USH2A: variants seen among roughly 807,000 people sequenced by gnomAD.
The protein encoded by USH2A is usherin, also known as Usher syndrome 2A (autosomal recessive, mild).
In USH2A, 443 loss-of-function variants were observed where a neutral mutation model predicts 538.9. That is an observed-to-expected ratio of 0.82 (90% confidence interval 0.76 to 0.89). USH2A has a LOEUF of 0.89. Ranked by LOEUF, USH2A falls within the 40% of genes least tolerant of loss-of-function variation. The probability of loss-of-function intolerance (pLI) is 0.00; values close to 1 mark genes in which losing one functional copy is unlikely to be tolerated. For missense variants in USH2A, 6,633 were observed against 6,324.8 expected (o/e 1.05, Z -1.65); for synonymous variants, 2,413 against 2,273.5 (o/e 1.06, Z -1.75).
intron 21 of USH2A, among the ~76,000 whole-genome samples, chr1:216,126,328 A>G (rs1458048910): frequency 7.9e-5 from 12 of 151,964 alleles, no homozygotes; most frequent in Middle Eastern, 6.3e-3. Flanking sequence ...AGTTCAAGCA[A>G]TTTTCCTGTA....
chr1:216,115,177 G>T (rs1558266045), intron 21 of USH2A, among the ~76,000 whole-genome samples: 1 of 151,888 alleles, frequency 6.6e-6, no homozygotes, highest in Non-Finnish European at 1.5e-5. Context: ...CTGTTGTAAG[G>T]CTTGAGTGTA....
At chr1:216,245,959 T>C (rs1057480914) in intron 13 of USH2A, among the ~76,000 whole-genome samples, 1 of 152,168 alleles carries the variant, frequency 6.6e-6, no homozygotes, top group Non-Finnish European at 1.5e-5. Context: ...AATGAATTTA[T>C]TGTAAAGAAG....
intron 64 of USH2A, among the ~76,000 whole-genome samples, chr1:215,659,103 A>G (rs768836878): frequency 1.3e-5 from 2 of 152,218 alleles, no homozygotes; most frequent in Non-Finnish European, 2.9e-5. Context: ...ATAAAAACAC[A>G]AATAAAATAA....
chr1:215,965,628 G>A (rs998308291), intron 36 of USH2A, 149 bp from the exon 37 acceptor site: 11 of 909,596 alleles, frequency 1.2e-5, no homozygotes, highest in South Asian at 3.4e-5. Context: ...TTGTCAGCAG[G>A]ATCAAAGCAC....
At position 215,647,699 on chromosome 1, in the gene USH2A, G is replaced by A; in HGVS notation, c.14614C>T (p.Pro4872Ser). Residue 4872 changes from proline to serine, a missense_variant, in exon 67 of 72, where the codon CCT (proline) becomes TCT (serine). By Grantham distance (74) the Pro-to-Ser change is moderately conservative. Coordinates refer to ENST00000307340, the MANE Select transcript of USH2A (RefSeq NM_206933.4). ...GGAGTACAGGGGAGGGCTGAGTCAGGAGGGCAAGCCACGTGGAATTGGAGT... is the reference window on the plus strand; with the variant it reads ...GGAGTACAGGGGAGGGCTGAGTCAGAAGGGCAAGCCACGTGGAATTGGAGT... ...YELQFHVACPPDSALPCTPSQ... is the reference protein window; with the variant it reads ...YELQFHVACPSDSALPCTPSQ... 6.2e-7 allele frequency: 1 copy of A among 1,614,186 alleles called. No individual in the cohort carries two copies. The highest frequency in any genetic ancestry group is 8.5e-7 in the Non-Finnish European group (1 of 1,180,036).
chr1:215,804,834 C>T lies in USH2A; in HGVS notation c.9740-5709G>A, dbSNP rs140070544. 8.8e-3 allele frequency among the ~76,000 whole-genome samples: 1,346 copies of T among 152,116 alleles called. 22 individuals are homozygous for T. Among genetic ancestry groups the T allele is most frequent in the African/African-American group, 0.03 (1,234 of 41,480 alleles). Reference sequence around the variant, plus strand: ...ATGCTGCTATAAAGACACATGCACACGTATGTTTATTGCGGCACTATTCAC... The same window carrying T: ...ATGCTGCTATAAAGACACATGCACATGTATGTTTATTGCGGCACTATTCAC... On this transcript the variant is annotated intron_variant, in intron 49 of 71. Transcript: ENST00000307340.
chr1:216,296,942 A>C (rs890508076), intron 9 of USH2A, among the ~76,000 whole-genome samples: 4 of 151,900 alleles, frequency 2.6e-5, no homozygotes, highest in Non-Finnish European at 5.9e-5. Context: ...TCCTAACTGC[A>C]AAAAGGCCAC....
intron 44 of USH2A, among the ~76,000 whole-genome samples, chr1:215,864,007 C>T (rs938061046): frequency 6.6e-6 from 1 of 152,114 alleles, no homozygotes; most frequent in African/African-American, 2.4e-5. Context: ...CTCACTCCCT[C>T]CAGTGTTTTA....
intron 56 of USH2A, among the ~76,000 whole-genome samples, chr1:215,760,391 C>T (rs1180643515): frequency 2.0e-5 from 3 of 152,050 alleles, no homozygotes; most frequent in African/African-American, 7.2e-5. Context: ...TTTCTCTCTT[C>T]CTTTCTCTTC....
chr1:216,323,634 G>T lies in USH2A; in HGVS notation c.1390C>A (p.Arg464Ser), dbSNP rs1423536179. Reference protein sequence around the residue: ...FSILTPGPNYRPGYNNFYNTP... With the variant: ...FSILTPGPNYSPGYNNFYNTP... The stretch of plus-strand genomic sequence containing the variant: ...TTATAGAAGTTATTGTATCCAGGAC[G>T]ATAATTTGGTCCAGGTGTCAGGATG... The change falls in exon 8 of 72, where the codon CGT (arginine) becomes AGT (serine). Residue 464 changes from arginine (R) to serine (S), a missense_variant. Arg to Ser is a moderately radical substitution (Grantham distance 110). Transcript: ENST00000307340. 2 of 1,613,576 alleles carry T rather than the reference G, an allele frequency of 1.2e-6. No homozygotes were observed. The highest frequency in any genetic ancestry group is 1.1e-5 in the South Asian group (1 of 91,070).
At chr1:216,112,899 A>T (rs1434431342) in intron 21 of USH2A, among the ~76,000 whole-genome samples, 1 of 152,050 alleles carries the variant, frequency 6.6e-6, no homozygotes, top group Admixed American at 6.6e-5. Flanking sequence ...TATTGTAAAT[A>T]GTGCTGCAAT....
intron 38 of USH2A, among the ~76,000 whole-genome samples, chr1:215,918,987 A>G (rs1168064735): frequency 6.6e-6 from 1 of 152,084 alleles, no homozygotes; most frequent in African/African-American, 2.4e-5. Flanking sequence ...AAATGTATTC[A>G]TATTAATAAC....
chr1:215,886,256 T>C (rs1208005128), intron 41 of USH2A, among the ~76,000 whole-genome samples: 1 of 152,220 alleles, frequency 6.6e-6, no homozygotes. Context: ...ATATTTTCTA[T>C]TTGCAATTTG....
chr1:216,186,240 AT>A (rs1301615636), intron 20 of USH2A, among the ~76,000 whole-genome samples: 2 of 151,530 alleles, frequency 1.3e-5, no homozygotes, highest in Non-Finnish European at 3.0e-5. Flanking sequence ...AAAAAAACAC[AT>A]TTGAAATTTA....
chr1:216,061,564 A>G (rs967799440), intron 30 of USH2A, among the ~76,000 whole-genome samples: 2 of 152,196 alleles, frequency 1.3e-5, no homozygotes, highest in Non-Finnish European at 2.9e-5. Context: ...CAGCAGAATT[A>G]CCTGAGATAA....
At chr1:215,830,373 CG>C (rs1415014672) in intron 47 of USH2A, among the ~76,000 whole-genome samples, 2 of 152,040 alleles carry the variant, frequency 1.3e-5, no homozygotes, top group Non-Finnish European at 2.9e-5. Flanking sequence ...AAAGCCCCAA[CG>C]GGGGGAAAAA....
At chr1:216,091,749 T>C (rs1245137501) in intron 22 of USH2A, among the ~76,000 whole-genome samples, 1 of 152,228 alleles carries the variant, frequency 6.6e-6, no homozygotes, top group Non-Finnish European at 1.5e-5. Flanking sequence ...AGTTATTTTA[T>C]AAATATGTGC....
chr1:215,788,795 C>G (rs1661882291), intron 51 of USH2A, among the ~76,000 whole-genome samples: 1 of 152,146 alleles, frequency 6.6e-6, no homozygotes, highest in East Asian at 1.9e-4. Context: ...TCAGACCAAA[C>G]TATCAATCCT....
intron 61 of USH2A, among the ~76,000 whole-genome samples, chr1:215,685,694 T>A (rs538693848): frequency 0.019 from 228 of 11,782 alleles, 2 homozygotes; most frequent in African/African-American, 0.04. Context: ...ATTATTATTA[T>A]TTTTTTACCA....
Sources: allele counts gnomAD v4.1 joint callset (sites outside exome capture counted in the v4.1 genomes callset), GRCh38; gene constraint gnomAD v4.1.1; transcripts MANE v1.5; gene names NCBI Gene and HGNC (gene_info 2026-07-23, HGNC 2026-07-21).